PRRC2B: variants seen among roughly 807,000 people sequenced by gnomAD.
PRRC2B encodes the protein proline rich coiled-coil 2B.
In PRRC2B, 68 loss-of-function variants were observed where a neutral mutation model predicts 242.3. The ratio of observed to expected loss-of-function variants is 0.28; its 90% CI spans 0.23 to 0.34. The LOEUF (loss-of-function observed/expected upper bound fraction) is 0.34. Among genes scored for constraint, PRRC2B ranks in the 10% least tolerant of loss-of-function variants. The pLI is 1.00. For missense variants in PRRC2B, 2,835 were observed against 2,954.8 expected (o/e 0.96, Z 0.94); for synonymous variants, 1,228 against 1,173.6 (o/e 1.05, Z -0.95).
intron 1 of PRRC2B, among the ~76,000 whole-genome samples, chr9:131,384,752 A>T (rs1438031503): frequency 6.6e-6 from 1 of 151,118 alleles, no homozygotes; most frequent in Non-Finnish European, 1.5e-5. Context: ...ACGGGGTTTC[A>T]CCATGCTGAT....
chr9:131,425,038 C>T (rs892425209), intron 1 of PRRC2B, among the ~76,000 whole-genome samples: 1 of 152,152 alleles, frequency 6.6e-6, no homozygotes, highest in African/African-American at 2.4e-5. Flanking sequence ...GCAATCTTGG[C>T]TCACTGCAGC....
chr9:131,414,458 T>G, intron 1 of PRRC2B, among the ~76,000 whole-genome samples: 1 of 132,810 alleles, frequency 7.5e-6, no homozygotes, highest in Non-Finnish European at 1.7e-5. Flanking sequence ...CAATACTAAT[T>G]TGTAATTTCC....
rs1287567060 is a variant in PRRC2B, at chr9:131,498,185, TTTCC to T, written c.*2318_*2321del. 2 of 152,180 alleles carry T rather than the reference TTTCC, an allele frequency of 1.3e-5. No homozygotes were observed. Among genetic ancestry groups the T allele is most frequent in the African/African-American group, 4.8e-5 (2 of 41,440 alleles). The allele number at this position is 152,180 out of a possible 1,614,324, so 9.4% of individuals were successfully genotyped here. On this transcript the variant is annotated 3_prime_UTR_variant, in exon 32 of 32. Transcript: ENST00000683519. Reference sequence around the variant, plus strand: ...TCCAGCCCTTTTCTCTTACCTGGTATTTCCTTCCTTTCTCCTCCCCCACCCCAAA... The same window carrying T: ...TCCAGCCCTTTTCTCTTACCTGGTATTTCCTTTCTCCTCCCCCACCCCAAA...
upstream of PRRC2B, among the ~76,000 whole-genome samples, chr9:131,393,392 CA>C (rs1402593818): frequency 6.6e-6 from 1 of 152,146 alleles, no homozygotes; most frequent in East Asian, 1.9e-4. Context: ...CTCCCAACCT[CA>C]AACCACGGAG....
At chr9:131,479,414 C>T (rs772505126) in intron 19 of PRRC2B, 21 bp downstream of exon 19, 1 of 1,609,230 alleles carries the variant, frequency 6.2e-7, no homozygotes, top group Non-Finnish European at 8.5e-7. Context: ...GGGGTGTGAC[C>T]CCAGCTGTGG....
In PRRC2B at chr9:131,401,350, A is replaced by G. The variant is rs141216020; in HGVS notation, c.-52+7087A>G. Among the ~76,000 whole-genome samples the G allele has an allele frequency of 6.6e-4, 98 of 149,558 alleles. 2 individuals are homozygous for G. The East Asian group carries it at 0.019, about 29-fold the overall frequency. ...AGATGCCAACTCCCCTCCCCCATCC[A>G]GTGGCGGCGGCCACCATTCTTACCA... On this transcript the variant is annotated intron_variant, in intron 1 of 31. Transcript: ENST00000683519.
chr9:131,484,182 G>A (rs1943950373), intron 23 of PRRC2B, among the ~76,000 whole-genome samples: 2 of 152,206 alleles, frequency 1.3e-5, no homozygotes, highest in Admixed American at 1.3e-4. Flanking sequence ...TGCATTTCCA[G>A]CCTCTGTTAC....
intron 11 of PRRC2B, among the ~76,000 whole-genome samples, chr9:131,461,702 G>T (rs1943247227): frequency 1.3e-5 from 2 of 152,104 alleles, no homozygotes; most frequent in South Asian, 4.1e-4. Context: ...CACCATGCCT[G>T]GCTAACTTTT....
At chr9:131,465,228 TG>T (rs976853887) in intron 12 of PRRC2B, 150 bp downstream of exon 12, 9 of 773,436 alleles carry the variant, frequency 1.2e-5, no homozygotes, top group East Asian at 2.7e-5. Context: ...AGCATAGGCC[TG>T]GGTCAAATGC....
intron 1 of PRRC2B, among the ~76,000 whole-genome samples, chr9:131,381,040 T>G: frequency 6.6e-6 from 1 of 152,200 alleles, no homozygotes; most frequent in East Asian, 1.9e-4. Flanking sequence ...CCTACACTTC[T>G]GAGATACCGG....
intron 5 of PRRC2B, among the ~76,000 whole-genome samples, chr9:131,440,599 G>A (rs1050687294): frequency 1.3e-5 from 2 of 152,138 alleles, no homozygotes; most frequent in Non-Finnish European, 2.9e-5. Flanking sequence ...ATACTCGCCC[G>A]TGTGTGAAAT....
chr9:131,420,277 G>A (rs970719109), intron 1 of PRRC2B, among the ~76,000 whole-genome samples: 2 of 151,634 alleles, frequency 1.3e-5, no homozygotes, highest in Non-Finnish European at 2.9e-5. Flanking sequence ...GCAGTGTTCT[G>A]CAGGGACCTC....
At chr9:131,493,879 T>C (rs760592264) in intron 30 of PRRC2B, among the ~76,000 whole-genome samples, 22 of 152,158 alleles carry the variant, frequency 1.4e-4, no homozygotes, top group Non-Finnish European at 2.5e-4. Flanking sequence ...CTTTTTTTTT[T>C]TCCACGTAGC....
Position 131,438,979 on chromosome 9 carries a change from C to T in PRRC2B, c.397-10C>T, listed in dbSNP as rs766910953. On this transcript the variant is annotated splice_polypyrimidine_tract_variant and intron_variant, in intron 4 of 31. Transcript: ENST00000683519. ...AGCTGGCCCTCTTCTGATTCTCTTC[C>T]TTCTTTCAGAATACAAATTCAGTGC... The T allele has an allele frequency of 1.2e-6, 2 of 1,608,980 alleles. No homozygotes were observed. The highest frequency in any genetic ancestry group is 2.2e-5 in the South Asian group (2 of 90,336).
chr9:131,489,184 CTTT>C (rs558036228), intron 28 of PRRC2B, among the ~76,000 whole-genome samples: 9 of 131,606 alleles, frequency 6.8e-5, no homozygotes, highest in Non-Finnish European at 8.1e-5. Flanking sequence ...CTCCAAAATT[CTTT>C]TTTTTTTTTT....
At chr9:131,456,360 G>A (rs1481428223) in intron 10 of PRRC2B, among the ~76,000 whole-genome samples, 6 of 151,712 alleles carry the variant, frequency 4.0e-5, no homozygotes, top group Non-Finnish European at 7.4e-5. Context: ...GGCCAGGCAC[G>A]GTGGCTCACG....
rs200121607 is a variant in PRRC2B at position 131,475,371 on chromosome 9, C to G, written c.3242C>G (p.Ala1081Gly). The G allele has an allele frequency of 1.3e-6, 2 of 1,586,876 alleles. No homozygotes were observed. Among genetic ancestry groups the G allele is most frequent in the South Asian group, 2.3e-5 (2 of 87,448 alleles). The part of the protein sequence containing the change: ...FREFTFRGRP[A>G]GGNGSGLCGG... ...GAGTTCACTTTTCGTGGTCGGCCTG[C>G]TGGCGGAAATGGGAGCGGCCTCTGT... is the stretch of plus-strand genomic sequence containing the variant. The change falls in exon 16 of 32, where the codon GCT becomes GGT. Residue 1081 changes from alanine (A) to glycine (G), a missense_variant. By Grantham distance (60) the Ala-to-Gly change is moderately conservative. Transcript: ENST00000683519.
At chr9:131,434,340 T>C (rs781731340) in intron 3 of PRRC2B, among the ~76,000 whole-genome samples, 1 of 152,270 alleles carries the variant, frequency 6.6e-6, no homozygotes, top group Admixed American at 6.5e-5. Flanking sequence ...CCTCCTGTTA[T>C]CCAGCCTTTA....
intron 13 of PRRC2B, among the ~76,000 whole-genome samples, chr9:131,469,335 AAAAATAAAAT>A (rs142692277): frequency 6.6e-6 from 1 of 152,026 alleles, no homozygotes; most frequent in Non-Finnish European, 1.5e-5. Context: ...CTCCATCTCA[AAAAATAAAAT>A]AAAATAAAAT....
Sources: gnomAD v4.1 joint callset for allele counts (sites outside exome capture counted in the v4.1 genomes callset) on GRCh38, gnomAD v4.1.1 for gene constraint, MANE v1.5 for transcripts, NCBI Gene and HGNC (gene_info 2026-07-23, HGNC 2026-07-21) for gene names.